The following TENM1 variants were observed in gnomAD, a reference collection of about 807,000 sequenced individuals.
TENM1 encodes teneurin-1.
TENM1 carries 35 observed loss-of-function variants against 174.8 expected under a neutral mutation model. That is an observed-to-expected ratio of 0.20 (90% CI 0.15 to 0.27). The LOEUF is 0.27. TENM1 is among the 10% of genes least tolerant of loss of function. TENM1 has a pLI of 1.00. For missense variants in TENM1, 1,633 were observed against 2,130.1 expected (o/e 0.77, Z 4.59); for synonymous variants, 781 against 798.7 (o/e 0.98, Z 0.37).
intron 5 of TENM1, among the ~76,000 whole-genome samples, chrX:124,683,474 A>G (rs1390947352): frequency 8.9e-6 from 1 of 111,771 alleles, no homozygotes; most frequent in East Asian, 2.8e-4. Flanking sequence ...AAATTCCACT[A>G]TTTGTCATAG....
At chrX:124,745,150 G>A (rs931996005) in intron 3 of TENM1, among the ~76,000 whole-genome samples, 1 of 111,491 alleles carries the variant, frequency 9.0e-6, no homozygotes, top group Non-Finnish European at 1.9e-5. Flanking sequence ...AAATGTTCTC[G>A]TAACCACCGT....
chrX:124,885,772 T>A (rs946612163), intron 3 of TENM1, among the ~76,000 whole-genome samples: 4 of 111,368 alleles, frequency 3.6e-5, no homozygotes, highest in African/African-American at 9.8e-5. Context: ...GAAAAGATAG[T>A]CAACTTGCCT....
chrX:125,021,218 AT>A, the TENM1 span, among the ~76,000 whole-genome samples: 14,196 of 96,131 alleles, frequency 0.15, 803 homozygotes, highest in Middle Eastern at 0.18. Flanking sequence ...ATTAAAGACA[AT>A]TTTTTTTTTT....
chrX:124,995,177 G>A, the TENM1 span, among the ~76,000 whole-genome samples: 9 of 110,831 alleles, frequency 8.1e-5, no homozygotes, highest in African/African-American at 3.0e-4. Context: ...AGTAGGTTCT[G>A]ACCTTCCTAA....
chrX:124,996,297 C>T, the TENM1 span, among the ~76,000 whole-genome samples: 4 of 110,562 alleles, frequency 3.6e-5, no homozygotes, highest in South Asian at 3.8e-4. Context: ...GACACAAAAC[C>T]GTAATTAATT....
At chrX:125,204,006 G>A in the TENM1 span, 5 of 113,381 alleles carry the variant, frequency 4.4e-5, no homozygotes, top group Admixed American at 4.6e-4. Context: ...GCTGGCAGCG[G>A]TGCTCTAAAC....
chrX:124,973,242 TG>T, the TENM1 span, among the ~76,000 whole-genome samples: 1 of 111,686 alleles, frequency 9.0e-6, no homozygotes. Context: ...CTGAGGTCTC[TG>T]TTCTGTTCCA....
chrX:125,120,317 T>C, the TENM1 span, among the ~76,000 whole-genome samples: 5 of 111,648 alleles, frequency 4.5e-5, no homozygotes, highest in Non-Finnish European at 7.5e-5. Flanking sequence ...ATTCTAACTA[T>C]GTATGTTTTT....
the TENM1 span, among the ~76,000 whole-genome samples, chrX:125,143,086 A>G: frequency 4.5e-5 from 5 of 112,127 alleles, no homozygotes; most frequent in East Asian, 1.4e-3. Context: ...GAGTCAAATC[A>G]AGAGTTTTTC....
chrX:124,951,143 C>G (rs2058476281), intron 1 of TENM1, among the ~76,000 whole-genome samples: 1 of 111,697 alleles, frequency 9.0e-6, no homozygotes, highest in Admixed American at 9.5e-5. Flanking sequence ...CTTATTAGTA[C>G]AGTGCAGCCA....
At chrX:124,912,158 C>T (rs886456276) in intron 1 of TENM1, among the ~76,000 whole-genome samples, 3 of 111,285 alleles carry the variant, frequency 2.7e-5, no homozygotes, top group Admixed American at 1.9e-4. Flanking sequence ...CATTTCATCT[C>T]GGTATTAACT....
At chrX:124,944,208 A>T (rs1369569891) in intron 1 of TENM1, among the ~76,000 whole-genome samples, 21 of 111,514 alleles carry the variant, frequency 1.9e-4, no homozygotes. Flanking sequence ...ATTTTAAAAT[A>T]GGAACTCATA....
chrX:124,529,776 C>A, intron 16 of TENM1, 88 bp downstream of exon 19: 1 of 1,107,361 alleles, frequency 9.0e-7, no homozygotes, highest in South Asian at 2.0e-5. Flanking sequence ...ATGGGTTTAC[C>A]ATCACTGTAT....
chrX:124,707,007 G>A (rs1028458249), intron 4 of TENM1, among the ~76,000 whole-genome samples: 69 of 104,726 alleles, frequency 6.6e-4, no homozygotes, highest in Non-Finnish European at 2.3e-4. Flanking sequence ...TAGTACAGTG[G>A]CACGATCTCA....
chrX:124,842,933 C>A (rs939878493), intron 3 of TENM1, among the ~76,000 whole-genome samples: 1 of 111,207 alleles, frequency 9.0e-6, no homozygotes, highest in Non-Finnish European at 1.9e-5. Flanking sequence ...TACAGAAGTC[C>A]TTGACATTAT....
chrX:124,773,922 T>C (rs2054720722), intron 3 of TENM1, among the ~76,000 whole-genome samples: 1 of 111,874 alleles, frequency 8.9e-6, no homozygotes, highest in Non-Finnish European at 1.9e-5. Flanking sequence ...TTCTAATGAC[T>C]ACCAGTAAGA....
At chrX:125,044,792 T>C in the TENM1 span, among the ~76,000 whole-genome samples, 1 of 111,083 alleles carries the variant, frequency 9.0e-6, no homozygotes, top group Non-Finnish European at 1.9e-5. Context: ...AAAGCTAACA[T>C]ACTACCAAAT....
At chrX:124,718,456 C>T (rs1010631397) in intron 4 of TENM1, among the ~76,000 whole-genome samples, 5 of 112,208 alleles carry the variant, frequency 4.5e-5, no homozygotes, top group Non-Finnish European at 7.5e-5. Context: ...ATAGTACAAA[C>T]AGGGTATATA....
chrX:124,791,629 G>C (rs923539924), intron 3 of TENM1, among the ~76,000 whole-genome samples: 8 of 111,635 alleles, frequency 7.2e-5, no homozygotes, highest in African/African-American at 2.0e-4. Flanking sequence ...GAAAGGACCT[G>C]ATAATAAGTG....
Sources: allele counts gnomAD v4.1 joint callset (sites outside exome capture counted in the v4.1 genomes callset), GRCh38; gene constraint gnomAD v4.1.1; transcripts MANE v1.5; gene names NCBI Gene and HGNC (gene_info 2026-07-23, HGNC 2026-07-21).